Variants in ARMC8 observed in about 807,000 individuals in gnomAD.
ARMC8 encodes armadillo repeat-containing protein 8.
ARMC8 carries 20 observed loss-of-function variants against 99.3 expected under a neutral mutation model. The ratio of observed to expected loss-of-function variants is 0.20; its 90% confidence interval spans 0.14 to 0.29. The LOEUF is 0.29. Among genes scored for constraint, ARMC8 ranks in the 10% least tolerant of loss-of-function variants. The pLI is 1.00. For synonymous variants in ARMC8, 263 were observed against 278.3 expected (o/e 0.95, Z 0.55); for missense variants, 569 against 809.5 (o/e 0.70, Z 3.60).
intron 5 of ARMC8, among the ~76,000 whole-genome samples, chr3:138,224,607 C>T (rs1016638306): frequency 2.6e-5 from 4 of 152,062 alleles, no homozygotes; most frequent in African/African-American, 4.8e-5. Context: ...AGAAATTAAC[C>T]GGGCACGGTG....
chr3:138,187,617 G>T lies in ARMC8; in HGVS notation c.45+18G>T, dbSNP rs973397754. Reference sequence around the variant, plus strand: ...TCCTTTCGGTGAGTGACCCGCCGCGGCCGCCCGCCCGCCCTCCAGGAAGCC... The same window carrying T: ...TCCTTTCGGTGAGTGACCCGCCGCGTCCGCCCGCCCGCCCTCCAGGAAGCC... On this transcript the variant is annotated intron_variant, in intron 1 of 21. Coordinates refer to ENST00000469044, the MANE Select transcript of ARMC8 (RefSeq NM_001363941.2). 25 of 1,535,218 alleles carry T rather than the reference G, an allele frequency of 1.6e-5. No homozygotes were observed. The highest frequency in any genetic ancestry group is 2.2e-5 in the Non-Finnish European group (25 of 1,146,368).
At chr3:138,207,817 T>A (rs2044460871) in intron 1 of ARMC8, among the ~76,000 whole-genome samples, 1 of 152,230 alleles carries the variant, frequency 6.6e-6, no homozygotes, top group African/African-American at 2.4e-5. Flanking sequence ...AGATTATTGT[T>A]GAGAGTCCTT....
intron 2 of ARMC8, among the ~76,000 whole-genome samples, chr3:138,210,637 G>C (rs1486143428): frequency 6.6e-6 from 1 of 152,080 alleles, no homozygotes; most frequent in African/African-American, 2.4e-5. Context: ...CACAAAAAAG[G>C]GTCAAGATAC....
At chr3:138,286,515 A>G (rs2050431190) in intron 19 of ARMC8, among the ~76,000 whole-genome samples, 1 of 151,840 alleles carries the variant, frequency 6.6e-6, no homozygotes, top group Non-Finnish European at 1.5e-5. Context: ...CTCCCTACCT[A>G]TCTCTGGACC....
chr3:138,290,759 C>T (rs1029281649), intron 21 of ARMC8, 120 bp downstream of exon 21: 28 of 696,128 alleles, frequency 4.0e-5, no homozygotes, highest in Admixed American at 1.8e-4. Flanking sequence ...CTTAGATTTT[C>T]TTCATAATTT....
intron 2 of ARMC8, among the ~76,000 whole-genome samples, chr3:138,220,253 T>A (rs1441845976): frequency 1.3e-5 from 2 of 152,228 alleles, no homozygotes; most frequent in African/African-American, 4.8e-5. Flanking sequence ...CTTTGCTAAT[T>A]GATCCTTTGA....
At chr3:138,248,025 G>A (rs189265713) in intron 12 of ARMC8, among the ~76,000 whole-genome samples, 1 of 152,290 alleles carries the variant, frequency 6.6e-6, no homozygotes, top group East Asian at 1.9e-4. Context: ...TTCTAATTCC[G>A]AGTGTTGCAT....
rs146338624 is a variant in ARMC8 at position 138,229,402 on chromosome 3, G to A, written c.528+392G>A. On this transcript the variant is annotated intron_variant, in intron 6 of 21. Transcript: ENST00000469044. ...AGATTTATTTGTCCAGTCCTCTATT[G>A]TGGAGCATTTAGTTTGTTTCCAGTC... Among the ~76,000 whole-genome samples the A allele has an allele frequency of 8.9e-3, 1,243 of 140,084 alleles. 20 individuals carry two copies. Among genetic ancestry groups the A allele is most frequent in the African/African-American group, 0.032 (1,189 of 37,668 alleles). 91.9% of individuals were successfully genotyped at this position (140,084 alleles called of 152,430 possible).
At chr3:138,287,715 G>A in intron 19 of ARMC8, 1 of 456,540 alleles carries the variant, frequency 2.2e-6, no homozygotes, top group South Asian at 1.5e-5. Flanking sequence ...ACTGGAGGAA[G>A]CCACATCCAT....
intron 21 of ARMC8, among the ~76,000 whole-genome samples, chr3:138,292,057 G>A (rs1403802715): frequency 2.0e-5 from 3 of 151,782 alleles, no homozygotes; most frequent in Admixed American, 1.3e-4. Context: ...TTTCTTTCGA[G>A]ATGGAGTTTC....
At chr3:138,284,626 A>G (rs1221368530) in intron 19 of ARMC8, 100 bp downstream of exon 19, 4 of 891,086 alleles carry the variant, frequency 4.5e-6, no homozygotes, top group African/African-American at 1.7e-5. Flanking sequence ...GAGGAAAAGA[A>G]TAGATTACTC....
At chr3:138,285,604 A>G (rs1285745950) in intron 19 of ARMC8, among the ~76,000 whole-genome samples, 2 of 152,106 alleles carry the variant, frequency 1.3e-5, no homozygotes, top group Non-Finnish European at 2.9e-5. Context: ...GCCCTTATAG[A>G]TTATTCCTCA....
At chr3:138,239,576 G>T in intron 10 of ARMC8, 48 bp downstream of exon 10, 6 of 1,242,166 alleles carry the variant, frequency 4.8e-6, no homozygotes, top group South Asian at 1.4e-5. Flanking sequence ...CCAGTTATGT[G>T]TTAAATATCA....
At chr3:138,201,925 A>C (rs1200375229) in intron 1 of ARMC8, among the ~76,000 whole-genome samples, 1 of 152,170 alleles carries the variant, frequency 6.6e-6, no homozygotes, top group South Asian at 2.1e-4. Context: ...ATATGGTTAC[A>C]CTTGTAACTT....
intron 12 of ARMC8, among the ~76,000 whole-genome samples, chr3:138,248,878 T>G (rs2046998571): frequency 6.6e-6 from 1 of 152,220 alleles, no homozygotes; most frequent in Non-Finnish European, 1.5e-5. Context: ...ATTGCAAATG[T>G]TAAGTACGTA....
intron 2 of ARMC8, among the ~76,000 whole-genome samples, chr3:138,210,917 G>T (rs2044659399): frequency 1.4e-5 from 2 of 146,228 alleles, no homozygotes; most frequent in South Asian, 4.5e-4. Flanking sequence ...AGGGAAGGTG[G>T]GAAGCTGGTT....
intron 12 of ARMC8, among the ~76,000 whole-genome samples, chr3:138,256,681 A>G (rs1480217302): frequency 6.6e-6 from 1 of 152,116 alleles, no homozygotes; most frequent in Non-Finnish European, 1.5e-5. Context: ...AAGTGCTGGC[A>G]TTACAGGCGT....
chr3:138,269,820 CTT>C (rs77095833), intron 15 of ARMC8, among the ~76,000 whole-genome samples: 19 of 121,662 alleles, frequency 1.6e-4, no homozygotes, highest in Non-Finnish European at 2.4e-4. Flanking sequence ...TGTTTTCTTT[CTT>C]TTTTTTTTTT....
intron 1 of ARMC8, among the ~76,000 whole-genome samples, chr3:138,197,985 G>A (rs2043835020): frequency 6.6e-6 from 1 of 152,122 alleles, no homozygotes; most frequent in African/African-American, 2.4e-5. Flanking sequence ...AGCATTTTAT[G>A]GCAATATTTA....
Sources: gnomAD v4.1 joint callset for allele counts (sites outside exome capture counted in the v4.1 genomes callset) on GRCh38, gnomAD v4.1.1 for gene constraint, MANE v1.5 for transcripts, NCBI Gene and HGNC (gene_info 2026-07-23, HGNC 2026-07-21) for gene names.